The following RNF150 variants were observed in gnomAD, a reference collection of about 807,000 sequenced individuals.
RNF150 encodes the protein ring finger protein 150.
RNF150 carries 24 observed loss-of-function variants against 39.3 expected under a neutral mutation model. That is an observed-to-expected ratio of 0.61 (90% CI 0.44 to 0.86). RNF150 has a LOEUF of 0.86. Ranked by LOEUF, RNF150 falls within the 40% of genes least tolerant of loss-of-function variation. RNF150 has a pLI of 0.00. For synonymous variants in RNF150, 255 were observed against 227.3 expected (o/e 1.12, Z -1.10); for missense variants, 502 against 587.8 (o/e 0.85, Z 1.51).
chr4:140,921,199 A>AATG (rs1731120907), intron 5 of RNF150, among the ~76,000 whole-genome samples: 1 of 132,420 alleles, frequency 7.6e-6, no homozygotes, highest in African/African-American at 2.8e-5. Context: ...TAATAATAAT[A>AATG]ATATAATTGA....
At chr4:141,108,830 A>G (rs1739296854) in intron 1 of RNF150, among the ~76,000 whole-genome samples, 1 of 152,192 alleles carries the variant, frequency 6.6e-6, no homozygotes, top group South Asian at 2.1e-4. Context: ...TTTCTTTCTA[A>G]CAGTTCACTG....
intron 5 of RNF150, among the ~76,000 whole-genome samples, chr4:140,921,557 C>T (rs1031329923): frequency 1.2e-4 from 18 of 152,168 alleles, no homozygotes; most frequent in African/African-American, 4.1e-4. Context: ...GAGCTGGTAC[C>T]ATTCCTTTTG....
intron 1 of RNF150, among the ~76,000 whole-genome samples, chr4:141,178,456 G>A (rs577398167): frequency 6.6e-6 from 1 of 152,260 alleles, no homozygotes; most frequent in South Asian, 2.1e-4. Flanking sequence ...AAGAAGTTGA[G>A]TTTCCTGTAT....
intron 1 of RNF150, among the ~76,000 whole-genome samples, chr4:141,078,746 T>C (rs561994807): frequency 2.6e-4 from 35 of 135,448 alleles, no homozygotes; most frequent in South Asian, 2.3e-4. Context: ...GCCGAGATCG[T>C]GCCACTGCAC....
intron 1 of RNF150, among the ~76,000 whole-genome samples, chr4:141,086,929 T>C (rs2110996387): frequency 6.6e-6 from 1 of 152,284 alleles, no homozygotes; most frequent in Admixed American, 6.5e-5. Flanking sequence ...CCTCTTTTTT[T>C]GGCGTTAATA....
intron 1 of RNF150, among the ~76,000 whole-genome samples, chr4:141,202,900 A>C (rs915811371): frequency 3.3e-5 from 5 of 151,932 alleles, no homozygotes; most frequent in African/African-American, 1.2e-4. Flanking sequence ...TATAAAGAAT[A>C]GAGTGGCAAT....
intron 1 of RNF150, among the ~76,000 whole-genome samples, chr4:141,141,771 G>A (rs778613502): frequency 6.6e-6 from 1 of 152,064 alleles, no homozygotes; most frequent in Non-Finnish European, 1.5e-5. Context: ...TGAGTCAATC[G>A]AGCCACTGCA....
intron 1 of RNF150, among the ~76,000 whole-genome samples, chr4:140,995,673 A>G (rs995901264): frequency 6.6e-6 from 1 of 152,084 alleles, no homozygotes; most frequent in Non-Finnish European, 1.5e-5. Context: ...TCTCATCTCC[A>G]TGAGTTCAGT....
intron 1 of RNF150, among the ~76,000 whole-genome samples, chr4:141,093,299 G>T (rs913516972): frequency 2.6e-5 from 4 of 151,306 alleles, no homozygotes; most frequent in Non-Finnish European, 5.9e-5. Flanking sequence ...CTGGGAGGAG[G>T]TGCTTGCAGT....
At chr4:141,190,851 T>A (rs1420080306) in intron 1 of RNF150, among the ~76,000 whole-genome samples, 1 of 152,234 alleles carries the variant, frequency 6.6e-6, no homozygotes, top group Non-Finnish European at 1.5e-5. Flanking sequence ...GATTGTATTT[T>A]CATAAGCCTT....
chr4:140,926,809 C>T (rs922250695), intron 4 of RNF150, among the ~76,000 whole-genome samples: 1 of 152,222 alleles, frequency 6.6e-6, no homozygotes, highest in Non-Finnish European at 1.5e-5. Flanking sequence ...ATGTCAGGAA[C>T]TCCTTGAGTC....
chr4:141,037,963 AAT>A (rs954341358), intron 1 of RNF150, among the ~76,000 whole-genome samples: 1 of 152,206 alleles, frequency 6.6e-6, no homozygotes, highest in African/African-American at 2.4e-5. Flanking sequence ...AACATGTTAA[AAT>A]ATATATGATT....
At chr4:141,179,391 T>C (rs1009379390) in intron 1 of RNF150, among the ~76,000 whole-genome samples, 3 of 152,364 alleles carry the variant, frequency 2.0e-5, no homozygotes, top group South Asian at 2.1e-4. Flanking sequence ...AATAGTTCAA[T>C]AGTAATTTGT....
At chr4:141,037,908 G>C (rs761276503) in intron 1 of RNF150, among the ~76,000 whole-genome samples, 1 of 152,154 alleles carries the variant, frequency 6.6e-6, no homozygotes, top group Non-Finnish European at 1.5e-5. Flanking sequence ...ATCTATTTTA[G>C]AGGAGTTTGC....
chr4:140,974,077 T>C (rs1449325143), intron 1 of RNF150, among the ~76,000 whole-genome samples: 1 of 150,678 alleles, frequency 6.6e-6, no homozygotes, highest in Non-Finnish European at 1.5e-5. Flanking sequence ...TTTAAATGTC[T>C]CTGTGTTTAA....
intron 1 of RNF150, among the ~76,000 whole-genome samples, chr4:141,082,983 G>A (rs1578709089): frequency 6.6e-6 from 1 of 152,170 alleles, no homozygotes; most frequent in African/African-American, 2.4e-5. Context: ...AAAAATATAT[G>A]TATAGTAAAT....
intron 6 of RNF150, among the ~76,000 whole-genome samples, chr4:140,910,706 T>TG (rs1238982019): frequency 2.8e-3 from 93 of 33,298 alleles, no homozygotes; most frequent in African/African-American, 6.1e-3. Context: ...GGGGCTCCAG[T>TG]GTGTGTGTGT....
intron 1 of RNF150, among the ~76,000 whole-genome samples, chr4:141,012,214 C>T (rs559781453): frequency 3.9e-5 from 6 of 152,298 alleles, no homozygotes; most frequent in East Asian, 1.9e-4. Flanking sequence ...GGAGAACTGC[C>T]GGAAAGCAGC....
At chr4:141,058,426 C>A (rs924941956) in intron 1 of RNF150, among the ~76,000 whole-genome samples, 2 of 151,878 alleles carry the variant, frequency 1.3e-5, no homozygotes, top group African/African-American at 2.4e-5. Flanking sequence ...ATATGTGTAC[C>A]CTTTGATTTT....
Sources: allele counts gnomAD v4.1 joint callset (sites outside exome capture counted in the v4.1 genomes callset), GRCh38; gene constraint gnomAD v4.1.1; transcripts MANE v1.5; gene names NCBI Gene and HGNC (gene_info 2026-07-23, HGNC 2026-07-21).